NR2C2: variants seen among roughly 807,000 people sequenced by gnomAD.
NR2C2 encodes nuclear receptor subfamily 2 group C member 2.
A neutral mutation model predicts 62.9 loss-of-function variants in NR2C2; 6 were observed. The observed-to-expected ratio is 0.10, with a 90% confidence interval of 0.05 to 0.19. NR2C2 has a LOEUF of 0.19. NR2C2 is among the 10% of genes least tolerant of loss of function. The pLI is 1.00. For missense variants in NR2C2, 479 were observed against 762.7 expected (o/e 0.63, Z 4.38); for synonymous variants, 272 against 273.8 (o/e 0.99, Z 0.07).
In NR2C2 at chr3:14,984,571, G is replaced by A. The variant is rs1037298464; in HGVS notation, c.-39-19305G>A. The stretch of plus-strand genomic sequence containing the variant: ...AAGAAATCATGTGTCCACTTTTTTT[G>A]TCTTGCTTCTTTCATTTAGCGAAGT... On this transcript the variant is annotated intron_variant, in intron 1 of 13. Coordinates refer to ENST00000425241, the MANE Select transcript of NR2C2 (RefSeq NM_001291694.2). 3.3e-5 allele frequency among the ~76,000 whole-genome samples: 5 copies of A among 152,052 alleles called. No individual in the cohort carries two copies. The East Asian group carries it at 9.7e-4, about 29-fold the overall frequency.
At chr3:15,041,693 C>T (rs1189870277) in intron 13 of NR2C2, among the ~76,000 whole-genome samples, 2 of 151,780 alleles carry the variant, frequency 1.3e-5, no homozygotes, top group Non-Finnish European at 2.9e-5. Flanking sequence ...ATCTCTATGA[C>T]AAAAAAATGA....
intron 1 of NR2C2, among the ~76,000 whole-genome samples, chr3:14,992,920 G>A (rs117893099): frequency 6.6e-6 from 1 of 152,144 alleles, no homozygotes; most frequent in African/African-American, 2.4e-5. Flanking sequence ...CACACACCTG[G>A]GTGTTGTCAG....
Position 15,020,827 on chromosome 3 carries a change from T to G in NR2C2, c.451T>G (p.Tyr151Asp). ...AAGGAGTGTGAGGAAAAATTTGACC[T>G]ACAGCTGCCGGAGCAACCAAGACTG... ...FKRSVRKNLT[Y>D]SCRSNQDCII... The change falls in exon 5 of 14, where the codon TAC (tyrosine) becomes GAC (aspartate). Residue 151 changes from tyrosine to aspartate, a missense_variant. Tyr to Asp is a radical substitution (Grantham distance 160, BLOSUM62 -3). Coordinates refer to ENST00000425241, the MANE Select transcript of NR2C2 (RefSeq NM_001291694.2). 1 of 1,614,226 alleles carries G rather than the reference T, an allele frequency of 6.2e-7. No individual in the cohort carries two copies. Among genetic ancestry groups the G allele is most frequent in the Non-Finnish European group, 8.5e-7 (1 of 1,180,034 alleles).
At chr3:14,956,262 T>A (rs1469510338) in intron 1 of NR2C2, among the ~76,000 whole-genome samples, 1 of 152,340 alleles carries the variant, frequency 6.6e-6, no homozygotes, top group Non-Finnish European at 1.5e-5. Context: ...AGCTATGTAT[T>A]TCTTATTTTT....
chr3:14,951,386 AGT>A (rs1190691991), intron 1 of NR2C2, among the ~76,000 whole-genome samples: 14 of 152,368 alleles, frequency 9.2e-5, no homozygotes, highest in African/African-American at 3.1e-4. Context: ...TCTACTCGAA[AGT>A]GTGGTAAATA....
chr3:14,976,538 C>T (rs2040209001), intron 1 of NR2C2, among the ~76,000 whole-genome samples: 1 of 150,840 alleles, frequency 6.6e-6, no homozygotes, highest in African/African-American at 2.4e-5. Context: ...CTGTGCACAG[C>T]TGTCATCCTT....
At chr3:14,967,527 A>AT (rs1272966985) in intron 1 of NR2C2, among the ~76,000 whole-genome samples, 3 of 152,100 alleles carry the variant, frequency 2.0e-5, no homozygotes, top group Non-Finnish European at 2.9e-5. Context: ...GTGAAATTTG[A>AT]TTTTAAAAAA....
intron 1 of NR2C2, among the ~76,000 whole-genome samples, chr3:14,987,659 A>G (rs1574966300): frequency 6.6e-6 from 1 of 152,194 alleles, no homozygotes; most frequent in African/African-American, 2.4e-5. Flanking sequence ...ATCTACAAAC[A>G]TATATACTTA....
At chr3:14,997,590 A>C (rs1464686843) in intron 1 of NR2C2, among the ~76,000 whole-genome samples, 1 of 152,178 alleles carries the variant, frequency 6.6e-6, no homozygotes, top group Non-Finnish European at 1.5e-5. Flanking sequence ...CATACCTCCT[A>C]TAAAATGGTT....
At chr3:14,970,165 A>T (rs900093113) in intron 1 of NR2C2, among the ~76,000 whole-genome samples, 9 of 140,876 alleles carry the variant, frequency 6.4e-5, no homozygotes, top group Admixed American at 2.5e-4. Flanking sequence ...TCTAAATTTG[A>T]TTTCTTCTGG....
chr3:14,985,664 A>C (rs1014464824), intron 1 of NR2C2, among the ~76,000 whole-genome samples: 1 of 152,192 alleles, frequency 6.6e-6, no homozygotes, highest in African/African-American at 2.4e-5. Flanking sequence ...TCAGATTTAG[A>C]GATACACATA....
intron 9 of NR2C2, among the ~76,000 whole-genome samples, 169 bp from the exon 10 acceptor site, chr3:15,032,210 A>C (rs2041997820): frequency 6.6e-6 from 1 of 152,216 alleles, no homozygotes; most frequent in Non-Finnish European, 1.5e-5. Flanking sequence ...TTCACTGAGC[A>C]AGAAAACATG....
At chr3:15,030,046 C>T (rs539383824) in intron 8 of NR2C2, among the ~76,000 whole-genome samples, 1 of 151,826 alleles carries the variant, frequency 6.6e-6, no homozygotes, top group Admixed American at 6.6e-5. Context: ...CATTGTTTGC[C>T]GGATGCAGTG....
chr3:14,973,251 G>C, intron 1 of NR2C2, among the ~76,000 whole-genome samples: 1 of 151,246 alleles, frequency 6.6e-6, no homozygotes, highest in East Asian at 1.9e-4. Context: ...TTTTTGGCAG[G>C]GTCTTGCTCT....
At chr3:15,032,968 C>A (rs1383363247) in intron 10 of NR2C2, among the ~76,000 whole-genome samples, 2 of 151,150 alleles carry the variant, frequency 1.3e-5, no homozygotes, top group Non-Finnish European at 1.5e-5. Context: ...CAGGAAACCC[C>A]CCCCCCTTTT....
rs2042366498 is a variant in NR2C2, at chr3:15,044,082, G to A, written c.*1074G>A. 1 of 152,150 alleles carries A rather than the reference G, an allele frequency of 6.6e-6. No individual in the cohort carries two copies. Among genetic ancestry groups the A allele is most frequent in the Non-Finnish European group, 1.5e-5 (1 of 68,052 alleles). 9.4% of individuals were successfully genotyped at this position (152,150 alleles called of 1,614,324 possible). On this transcript the variant is annotated 3_prime_UTR_variant, in exon 14 of 14. Coordinates refer to ENST00000425241, the MANE Select transcript of NR2C2 (RefSeq NM_001291694.2). ...GGCTTTCCACTCCAAATGCCCCCTT[G>A]AAAAGGGCTCGTGTTTCTGCAGCTC...
intron 1 of NR2C2, among the ~76,000 whole-genome samples, chr3:14,995,802 G>A: frequency 6.6e-6 from 1 of 152,142 alleles, no homozygotes. Flanking sequence ...CACCAGCTGT[G>A]TATGAAGGAT....
intron 4 of NR2C2, among the ~76,000 whole-genome samples, chr3:15,017,017 G>A (rs868226544): frequency 6.6e-6 from 1 of 152,234 alleles, no homozygotes; most frequent in Admixed American, 6.5e-5. Context: ...AGGAATGCCA[G>A]GGGCACAGGC....
chr3:15,024,106 C>G lies in NR2C2; in HGVS notation c.705-9C>G. On this transcript the variant is annotated splice_polypyrimidine_tract_variant and intron_variant, in intron 6 of 13. Coordinates refer to ENST00000425241, the MANE Select transcript of NR2C2 (RefSeq NM_001291694.2). Reference sequence around the variant, plus strand: ...GAAGCTACTCTGAGTTTCTTTATGTCTTAAATAGACAAACAGGTCTTCTTG... The same window carrying G: ...GAAGCTACTCTGAGTTTCTTTATGTGTTAAATAGACAAACAGGTCTTCTTG... 1 of 1,604,230 alleles carries G rather than the reference C, an allele frequency of 6.2e-7. No homozygotes were observed. The highest frequency in any genetic ancestry group is 8.5e-7 in the Non-Finnish European group (1 of 1,171,964).
Sources: allele counts gnomAD v4.1 joint callset (sites outside exome capture counted in the v4.1 genomes callset), GRCh38; gene constraint gnomAD v4.1.1; transcripts MANE v1.5; gene names NCBI Gene and HGNC (gene_info 2026-07-23, HGNC 2026-07-21).